MYOCD: variants seen among roughly 807,000 people sequenced by gnomAD.
MYOCD encodes myocardin.
MYOCD carries 32 observed loss-of-function variants against 96.1 expected under a neutral mutation model. That is an observed-to-expected ratio of 0.33 (90% confidence interval 0.25 to 0.45). MYOCD has a LOEUF of 0.45. Among genes scored for constraint, MYOCD ranks in the 20% least tolerant of loss-of-function variants. The probability of loss-of-function intolerance (pLI) is 1.00; values close to 1 mark genes in which losing one functional copy is unlikely to be tolerated. For synonymous variants in MYOCD, 469 were observed against 469.0 expected (o/e 1.00, Z 0.00); for missense variants, 1,133 against 1,200.6 (o/e 0.94, Z 0.83).
chr17:12,717,701 A>G (rs2031692516), intron 4 of MYOCD, among the ~76,000 whole-genome samples: 1 of 152,180 alleles, frequency 6.6e-6, no homozygotes, highest in South Asian at 2.1e-4. Flanking sequence ...CTAGGAGTGC[A>G]TGGAACACGT....
At position 12,753,497 on chromosome 17, in the gene MYOCD, C is replaced by A. The variant is rs2108658; in HGVS notation, c.2058+151C>A. ...CTCCCAGACACTACAATCCTTGAAT[C>A]CTCATGGTAGACCAAACTCACTCAT... On this transcript the variant is annotated intron_variant, in intron 10 of 13. Transcript: ENST00000425538. 0.38 allele frequency: 267,710 copies of A among 707,128 alleles called. 53,622 individuals carry two copies. The highest frequency in any genetic ancestry group is 0.46 in the East Asian group (16,218 of 34,992). 43.8% of individuals were successfully genotyped at this position (707,128 alleles called of 1,614,324 possible).
intron 2 of MYOCD, 162 bp downstream of exon 2, chr17:12,705,355 C>A: frequency 3.6e-6 from 2 of 548,046 alleles, no homozygotes; most frequent in Non-Finnish European, 3.3e-6. Flanking sequence ...TGCTTTGCCC[C>A]GACTGCTACC....
chr17:12,709,688 C>G (rs745888245), intron 2 of MYOCD, among the ~76,000 whole-genome samples: 1 of 152,146 alleles, frequency 6.6e-6, no homozygotes, highest in African/African-American at 2.4e-5. Flanking sequence ...CATCATCAAC[C>G]AGGATTCATA....
chr17:12,756,092 G>C (rs989593093), intron 10 of MYOCD, among the ~76,000 whole-genome samples: 6 of 152,094 alleles, frequency 3.9e-5, no homozygotes, highest in African/African-American at 1.4e-4. Flanking sequence ...GAATGTACAG[G>C]GCATGCTGCC....
intron 5 of MYOCD, among the ~76,000 whole-genome samples, chr17:12,731,876 C>T (rs974142541): frequency 6.6e-5 from 10 of 152,212 alleles, no homozygotes; most frequent in Admixed American, 5.2e-4. Flanking sequence ...TCAACAGCGA[C>T]GAGCTAAGTC....
intron 9 of MYOCD, among the ~76,000 whole-genome samples, chr17:12,749,844 T>A (rs190333909): frequency 6.6e-6 from 1 of 151,678 alleles, no homozygotes; most frequent in African/African-American, 2.4e-5. Context: ...TTAAAGTTTT[T>A]TGTTTGTTTG....
intron 5 of MYOCD, among the ~76,000 whole-genome samples, chr17:12,723,900 A>G (rs1288207432): frequency 6.6e-6 from 1 of 152,236 alleles, no homozygotes; most frequent in Admixed American, 6.5e-5. Flanking sequence ...AAAACTTGTC[A>G]TCAAGTTTAT....
At chr17:12,690,531 C>T (rs2150654837) in intron 1 of MYOCD, among the ~76,000 whole-genome samples, 1 of 151,728 alleles carries the variant, frequency 6.6e-6, no homozygotes, top group Non-Finnish European at 1.5e-5. Flanking sequence ...ATATACAAAC[C>T]CACATAAAAA....
chr17:12,748,911 T>C (rs2032747939), intron 9 of MYOCD, among the ~76,000 whole-genome samples: 1 of 152,196 alleles, frequency 6.6e-6, no homozygotes, highest in Non-Finnish European at 1.5e-5. Context: ...TAGCTGATTA[T>C]AAAGTAACAT....
chr17:12,753,233 A>G lies in MYOCD; in HGVS notation c.1945A>G (p.Ile649Val), dbSNP rs775187138. The change falls in exon 10 of 14, where the codon ATC becomes GTC. Residue 649 changes from isoleucine (I) to valine (V), a missense_variant. Physicochemically the swap from Ile to Val is conservative, Grantham distance 29. Coordinates refer to ENST00000425538, the MANE Select transcript of MYOCD (RefSeq NM_001146312.3). ...PLGAVKSPQHISLPPSPNNPH... is the reference protein window; with the variant it reads ...PLGAVKSPQHVSLPPSPNNPH... Reference sequence around the variant, plus strand: ...GGGGGCTGTGAAAAGCCCACAGCACATCAGTTTGCCCCCATCACCCAACAA... The same window carrying G: ...GGGGGCTGTGAAAAGCCCACAGCACGTCAGTTTGCCCCCATCACCCAACAA... 1.2e-6 allele frequency: 2 copies of G among 1,614,014 alleles called. No individual in the cohort carries two copies. Among genetic ancestry groups the G allele is most frequent in the African/African-American group, 1.3e-5 (1 of 74,910 alleles).
At chr17:12,693,509 C>T (rs1057419852) in intron 1 of MYOCD, among the ~76,000 whole-genome samples, 3 of 151,948 alleles carry the variant, frequency 2.0e-5, no homozygotes, top group Admixed American at 6.6e-5. Context: ...ACTCAGGAGG[C>T]TGAGGCAGGA....
chr17:12,682,335 T>C (rs1315670977), intron 1 of MYOCD, among the ~76,000 whole-genome samples: 1 of 152,192 alleles, frequency 6.6e-6, no homozygotes, highest in Non-Finnish European at 1.5e-5. Context: ...AGTATCAGCT[T>C]CCAGCTCTGG....
chr17:12,677,057 C>T, intron 1 of MYOCD, among the ~76,000 whole-genome samples: 1 of 152,134 alleles, frequency 6.6e-6, no homozygotes, highest in Non-Finnish European at 1.5e-5. Context: ...TACTTTAATT[C>T]ACACTATGCA....
intron 1 of MYOCD, among the ~76,000 whole-genome samples, chr17:12,700,923 G>A (rs932315042): frequency 5.3e-5 from 8 of 151,824 alleles, no homozygotes; most frequent in African/African-American, 1.9e-4. Context: ...TGTGTGGGGG[G>A]GTTATAATAA....
chr17:12,749,662 C>T (rs1256034654), intron 9 of MYOCD, among the ~76,000 whole-genome samples: 1 of 144,564 alleles, frequency 6.9e-6, no homozygotes, highest in Non-Finnish European at 1.5e-5. Flanking sequence ...CGTATATATA[C>T]ACATATGTAT....
At chr17:12,744,016 G>A (rs566580115) in intron 7 of MYOCD, among the ~76,000 whole-genome samples, 167 bp from the exon 8 acceptor site, 2 of 152,276 alleles carry the variant, frequency 1.3e-5, no homozygotes, top group Non-Finnish European at 2.9e-5. Context: ...TTGTTCATTA[G>A]CAACGTTAGT....
intron 4 of MYOCD, among the ~76,000 whole-genome samples, chr17:12,719,867 CAAA>C (rs57652662): frequency 3.6e-5 from 3 of 82,742 alleles, no homozygotes; most frequent in Non-Finnish European, 6.7e-5. Context: ...GACTCAGTCT[CAAA>C]AAAAAAAAAA....
chr17:12,668,777 G>A (rs1029655003), intron 1 of MYOCD, among the ~76,000 whole-genome samples: 2 of 152,060 alleles, frequency 1.3e-5, no homozygotes, highest in African/African-American at 4.8e-5. Flanking sequence ...TGAATAAAGA[G>A]GATGACTATA....
intron 1 of MYOCD, among the ~76,000 whole-genome samples, chr17:12,703,924 T>C (rs1431375226): frequency 6.6e-6 from 1 of 152,200 alleles, no homozygotes; most frequent in African/African-American, 2.4e-5. Context: ...TCTATTTTGC[T>C]GCTGAGATTT....
Sources: allele counts gnomAD v4.1 joint callset (sites outside exome capture counted in the v4.1 genomes callset), GRCh38; gene constraint gnomAD v4.1.1; transcripts MANE v1.5; gene names NCBI Gene and HGNC (gene_info 2026-07-23, HGNC 2026-07-21).